TOX: variants seen among roughly 807,000 people sequenced by gnomAD.
The protein encoded by TOX is thymocyte selection-associated high mobility group box protein TOX.
TOX carries 11 observed loss-of-function variants against 53.7 expected under a neutral mutation model. The observed-to-expected ratio is 0.20, with a 90% CI of 0.13 to 0.34. The LOEUF (loss-of-function observed/expected upper bound fraction) is 0.34. TOX is among the 10% of genes least tolerant of loss of function. TOX has a pLI of 1.00. For missense variants in TOX, 570 were observed against 664.6 expected, an observed-to-expected ratio of 0.86 and a Z score of 1.56; for synonymous variants, 225 against 245.3, an observed-to-expected ratio of 0.92 and a Z score of 0.77.
At chr8:59,116,497 C>A (rs1805101335) in intron 1 of TOX, among the ~76,000 whole-genome samples, 1 of 152,176 alleles carries the variant, frequency 6.6e-6, no homozygotes, top group Non-Finnish European at 1.5e-5. Context: ...AATTGTGGAG[C>A]TGGACAGAAA....
At chr8:58,889,122 T>C (rs928515691) in intron 3 of TOX, among the ~76,000 whole-genome samples, 3 of 150,264 alleles carry the variant, frequency 2.0e-5, no homozygotes, top group African/African-American at 2.4e-5. Flanking sequence ...CAAATGCATA[T>C]ACATTTTTTA....
chr8:58,992,144 T>A (rs555210146), intron 1 of TOX: 2 of 152,294 alleles, frequency 1.3e-5, no homozygotes, highest in Admixed American at 1.3e-4. Flanking sequence ...TGAAATGAAA[T>A]GAAAGCAAGA....
At chr8:59,023,797 A>T (rs1429521988) in intron 1 of TOX, among the ~76,000 whole-genome samples, 1 of 152,136 alleles carries the variant, frequency 6.6e-6, no homozygotes, top group African/African-American at 2.4e-5. Flanking sequence ...CTGTCCTTCT[A>T]AAAAAATGTC....
At chr8:59,044,501 G>A (rs114976810) in intron 1 of TOX, among the ~76,000 whole-genome samples, 3,323 of 152,228 alleles carry the variant, frequency 0.022, 85 homozygotes, top group South Asian at 0.088. Flanking sequence ...AATCCTGGAG[G>A]AGACAACAGA....
At chr8:59,077,624 C>G (rs1374682538) in intron 1 of TOX, among the ~76,000 whole-genome samples, 1 of 152,182 alleles carries the variant, frequency 6.6e-6, no homozygotes, top group African/African-American at 2.4e-5. Context: ...CTCCAATCCC[C>G]TCCTGGTGGG....
At chr8:59,024,345 A>G (rs1372754652) in intron 1 of TOX, among the ~76,000 whole-genome samples, 1 of 152,228 alleles carries the variant, frequency 6.6e-6, no homozygotes, top group Non-Finnish European at 1.5e-5. Context: ...GCTTTACTAA[A>G]AAGCTTATAG....
chr8:59,114,755 T>C (rs1171624181), intron 1 of TOX, among the ~76,000 whole-genome samples: 3 of 152,212 alleles, frequency 2.0e-5, no homozygotes, highest in Non-Finnish European at 2.9e-5. Context: ...ACATTTACTG[T>C]TCAAAATAGG....
intron 3 of TOX, among the ~76,000 whole-genome samples, chr8:58,896,492 A>G (rs1474869562): frequency 2.0e-5 from 3 of 152,080 alleles, no homozygotes; most frequent in Non-Finnish European, 2.9e-5. Context: ...CCTGGACAAT[A>G]TGGTGAAGCC....
At chr8:58,861,069 G>A (rs1011166382) in intron 3 of TOX, among the ~76,000 whole-genome samples, 8 of 152,104 alleles carry the variant, frequency 5.3e-5, no homozygotes, top group South Asian at 2.1e-4. Context: ...AACTATCAAC[G>A]TCAATATTAC....
intron 1 of TOX, among the ~76,000 whole-genome samples, chr8:59,114,563 T>TTA (rs972797537): frequency 3.9e-5 from 6 of 152,184 alleles, no homozygotes; most frequent in African/African-American, 1.2e-4. Context: ...GGAATTTTAA[T>TTA]TATATATATG....
At position 59,097,979 on chromosome 8, in the gene TOX, G is replaced by A. The variant is rs187975384; in HGVS notation, c.102+20907C>T. 3.6e-3 allele frequency among the ~76,000 whole-genome samples: 540 copies of A among 151,892 alleles called. 4 individuals carry two copies. Among genetic ancestry groups the A allele is most frequent in the African/African-American group, 0.012 (489 of 41,344 alleles). On this transcript the variant is annotated intron_variant, in intron 1 of 8. Transcript: ENST00000361421. ...GCTTTAACTGAGATAAATTACTTAC[G>A]GCGCTATTGGCTGGGGGAATCACGG...
chr8:59,046,096 T>C, intron 1 of TOX, among the ~76,000 whole-genome samples: 1 of 152,190 alleles, frequency 6.6e-6, no homozygotes, highest in East Asian at 1.9e-4. Flanking sequence ...ACTATAACAG[T>C]TACAGAGACC....
chr8:58,836,396 T>C (rs1447856222), intron 5 of TOX, among the ~76,000 whole-genome samples: 2 of 152,192 alleles, frequency 1.3e-5, no homozygotes, highest in Non-Finnish European at 2.9e-5. Flanking sequence ...CAACAATATG[T>C]TAGGTTTCGA....
chr8:58,899,651 C>G (rs759405534), intron 3 of TOX, among the ~76,000 whole-genome samples: 2 of 152,064 alleles, frequency 1.3e-5, no homozygotes. Flanking sequence ...GTTCGGCAAC[C>G]CTAGTCAGAA....
intron 3 of TOX, among the ~76,000 whole-genome samples, chr8:58,853,016 A>G (rs1244285566): frequency 6.6e-6 from 1 of 152,090 alleles, no homozygotes. Context: ...ATTTTACACC[A>G]TTTTCCCTGT....
intron 1 of TOX, among the ~76,000 whole-genome samples, chr8:59,109,660 G>A (rs973201403): frequency 1.3e-5 from 2 of 152,026 alleles, no homozygotes. Flanking sequence ...ACTTTACTAG[G>A]CAAATTATCT....
intron 1 of TOX, among the ~76,000 whole-genome samples, chr8:59,111,017 T>C (rs1805007314): frequency 6.6e-6 from 1 of 152,180 alleles, no homozygotes; most frequent in South Asian, 2.1e-4. Flanking sequence ...TCATAAGTCT[T>C]CTTTGATACA....
chr8:58,931,108 C>G (rs1329457797), intron 3 of TOX, among the ~76,000 whole-genome samples: 1 of 152,142 alleles, frequency 6.6e-6, no homozygotes, highest in Non-Finnish European at 1.5e-5. Context: ...AGATGGGAAA[C>G]TGCTGGCTAG....
At chr8:59,020,734 T>TGTACCATACTTTTACATTAC (rs1814109045) in intron 1 of TOX, among the ~76,000 whole-genome samples, 1 of 152,162 alleles carries the variant, frequency 6.6e-6, no homozygotes, top group South Asian at 2.1e-4. Context: ...CATTACATTA[T>TGTACCATACTTTTACATTAC]GTACCATACT....
Sources: allele counts gnomAD v4.1 joint callset (sites outside exome capture counted in the v4.1 genomes callset), GRCh38; gene constraint gnomAD v4.1.1; transcripts MANE v1.5; gene names NCBI Gene and HGNC (gene_info 2026-07-23, HGNC 2026-07-21).